Variants in SNX29 observed in about 807,000 individuals in gnomAD.
SNX29 encodes sorting nexin-29.
A neutral mutation model predicts 102.1 loss-of-function variants in SNX29; 78 were observed. The observed-to-expected ratio is 0.76, with a 90% CI of 0.64 to 0.92. The LOEUF (loss-of-function observed/expected upper bound fraction) is 0.92, where lower values mean the gene tolerates loss of function less well. SNX29 is among the 40% of genes least tolerant of loss of function. SNX29 has a pLI of 0.00. For synonymous variants in SNX29, 580 were observed against 414.5 expected, an observed-to-expected ratio of 1.40 and a Z score of -4.85; for missense variants, 1,280 against 1,061.7, an observed-to-expected ratio of 1.21 and a Z score of -2.86.
intron 20 of SNX29, among the ~76,000 whole-genome samples, chr16:12,566,986 C>T (rs976359271): frequency 6.6e-6 from 1 of 152,196 alleles, no homozygotes; most frequent in Non-Finnish European, 1.5e-5. Context: ...TGGCCATGTC[C>T]CTGGAAAGGT....
intron 14 of SNX29, among the ~76,000 whole-genome samples, chr16:12,262,127 C>T (rs959804321): frequency 8.6e-5 from 13 of 150,830 alleles, no homozygotes; most frequent in African/African-American, 2.4e-4. Flanking sequence ...CTGGTCTGTG[C>T]GCGCGTCCCC....
chr16:12,502,895 T>C (rs1323552415), intron 19 of SNX29, among the ~76,000 whole-genome samples: 1 of 152,222 alleles, frequency 6.6e-6, no homozygotes, highest in Non-Finnish European at 1.5e-5. Flanking sequence ...ACAGGAGCGA[T>C]TAGAGCTGCC....
intron 20 of SNX29, among the ~76,000 whole-genome samples, chr16:12,541,224 A>T (rs1003524191): frequency 6.6e-6 from 1 of 152,114 alleles, no homozygotes; most frequent in Non-Finnish European, 1.5e-5. Flanking sequence ...GCATGGAGAG[A>T]AGGACTATGG....
At chr16:12,242,179 A>G (rs2078123802) in intron 14 of SNX29, among the ~76,000 whole-genome samples, 1 of 151,972 alleles carries the variant, frequency 6.6e-6, no homozygotes, top group African/African-American at 2.4e-5. Flanking sequence ...TAGGTTTCTG[A>G]TATACAGTAA....
intron 15 of SNX29, among the ~76,000 whole-genome samples, chr16:12,312,245 A>G (rs1000908934): frequency 3.3e-5 from 5 of 152,312 alleles, no homozygotes; most frequent in Admixed American, 3.3e-4. Flanking sequence ...TCCCCATCCC[A>G]GCCCCCTGCA....
intron 9 of SNX29, among the ~76,000 whole-genome samples, chr16:12,068,556 A>G (rs1033354314): frequency 2.6e-5 from 4 of 152,024 alleles, no homozygotes; most frequent in Non-Finnish European, 5.9e-5. Context: ...TTTTAAAAAA[A>G]AATTTTTAAT....
intron 18 of SNX29, among the ~76,000 whole-genome samples, chr16:12,404,906 C>G (rs1374800987): frequency 2.6e-5 from 4 of 152,176 alleles, no homozygotes; most frequent in Non-Finnish European, 5.9e-5. Flanking sequence ...TACTGGAAAT[C>G]TTAGGGACAG....
At chr16:12,037,512 G>A (rs1017297657) in intron 4 of SNX29, among the ~76,000 whole-genome samples, 5 of 152,054 alleles carry the variant, frequency 3.3e-5, no homozygotes, top group East Asian at 1.9e-4. Context: ...TAAAAAAAAC[G>A]AAAGTTGCAT....
intron 19 of SNX29, among the ~76,000 whole-genome samples, chr16:12,517,135 C>T (rs780185695): frequency 9.2e-5 from 14 of 152,182 alleles, no homozygotes; most frequent in Non-Finnish European, 1.8e-4. Flanking sequence ...CACAGAGTGA[C>T]AGCAGAGCCA....
At chr16:12,445,439 A>C (rs2086007092) in intron 18 of SNX29, among the ~76,000 whole-genome samples, 1 of 152,148 alleles carries the variant, frequency 6.6e-6, no homozygotes, top group Admixed American at 6.5e-5. Context: ...GCATCTCCCC[A>C]GGAGGCTGGG....
chr16:12,543,631 G>A (rs537380078), intron 20 of SNX29, among the ~76,000 whole-genome samples: 37 of 152,122 alleles, frequency 2.4e-4, no homozygotes, highest in African/African-American at 5.8e-4. Context: ...CCAGTGCTCC[G>A]CAGCTGGTGC....
At chr16:12,103,130 A>G (rs571716450) in intron 11 of SNX29, among the ~76,000 whole-genome samples, 77 of 152,372 alleles carry the variant, frequency 5.1e-4, no homozygotes, top group African/African-American at 1.8e-3. Context: ...CATACTGCCT[A>G]AAGTAATTTA....
At chr16:12,166,288 G>T (rs1429893686) in intron 13 of SNX29, among the ~76,000 whole-genome samples, 2 of 152,212 alleles carry the variant, frequency 1.3e-5, no homozygotes, top group Non-Finnish European at 2.9e-5. Context: ...AGGCAAATGG[G>T]AGAGACAAAT....
rs192373866 is a variant in SNX29, at chr16:12,553,884, C to T, written c.2319-14622C>T. ...TTTCAGATGGAGTCTCACTCTTTTG[C>T]CTAGGCTGGAGTGCAGTGGCATGAT... On this transcript the variant is annotated intron_variant, in intron 20 of 20. Coordinates refer to ENST00000566228, the MANE Select transcript of SNX29 (RefSeq NM_032167.5). Among the ~76,000 whole-genome samples, 96 of 152,114 alleles carry T rather than the reference C, an allele frequency of 6.3e-4. 1 individual carries two copies. Among genetic ancestry groups the T allele is most frequent in the African/African-American group, 2.2e-3 (90 of 41,492 alleles).
At chr16:12,286,941 C>G (rs1489246541) in intron 15 of SNX29, among the ~76,000 whole-genome samples, 6 of 152,124 alleles carry the variant, frequency 3.9e-5, no homozygotes, top group Non-Finnish European at 4.4e-5. Context: ...TTTAAAAAGC[C>G]TGTTAAAAGA....
intron 16 of SNX29, among the ~76,000 whole-genome samples, chr16:12,363,472 TCTC>T (rs749787545): frequency 9.9e-5 from 15 of 152,076 alleles, no homozygotes; most frequent in Non-Finnish European, 1.6e-4. Context: ...GAAACCCAAA[TCTC>T]CTCTTCTATC....
At chr16:12,023,765 C>T (rs1284245668) in intron 3 of SNX29, among the ~76,000 whole-genome samples, 3 of 152,080 alleles carry the variant, frequency 2.0e-5, no homozygotes, top group Admixed American at 1.3e-4. Flanking sequence ...CATAGTGCTT[C>T]CAAGATGTGT....
At chr16:12,455,469 G>A (rs1056727396) in intron 18 of SNX29, among the ~76,000 whole-genome samples, 1 of 152,172 alleles carries the variant, frequency 6.6e-6, no homozygotes, top group African/African-American at 2.4e-5. Context: ...TGCCACTCTG[G>A]CTCCCAGAGC....
At chr16:12,374,068 G>C (rs1304600446) in intron 16 of SNX29, among the ~76,000 whole-genome samples, 1 of 152,240 alleles carries the variant, frequency 6.6e-6, no homozygotes, top group Non-Finnish European at 1.5e-5. Flanking sequence ...CTGGCTAGCA[G>C]AGGTTTGGCC....
Sources: allele counts gnomAD v4.1 joint callset (sites outside exome capture counted in the v4.1 genomes callset), GRCh38; gene constraint gnomAD v4.1.1; transcripts MANE v1.5; gene names NCBI Gene and HGNC (gene_info 2026-07-23, HGNC 2026-07-21).